Variants in ANKRD30BL observed in about 807,000 individuals in gnomAD.
ANKRD30BL encodes ankyrin repeat domain 30B like.
ANKRD30BL carries 20 observed loss-of-function variants against 18.4 expected under a neutral mutation model. The ratio of observed to expected loss-of-function variants is 1.09; its 90% CI spans 0.77 to 1.58. The LOEUF (loss-of-function observed/expected upper bound fraction) is 1.58, where lower values mean the gene tolerates loss of function less well. ANKRD30BL is among the 40% of genes most tolerant of loss of function. The pLI, the probability that ANKRD30BL is intolerant of heterozygous loss-of-function variation, is 0.00. For synonymous variants in ANKRD30BL, 72 were observed against 100.9 expected (o/e 0.71, Z 1.72); for missense variants, 224 against 268.6 (o/e 0.83, Z 1.16).
At chr2:132,229,400 C>A (rs1679941221) in intron 1 of ANKRD30BL, among the ~76,000 whole-genome samples, 1 of 152,112 alleles carries the variant, frequency 6.6e-6, no homozygotes, top group Non-Finnish European at 1.5e-5. Context: ...GTAGAATCTG[C>A]AAGTGGACAT....
upstream of ANKRD30BL, among the ~76,000 whole-genome samples, chr2:132,165,963 GTTCT>G (rs1688181253): frequency 6.6e-6 from 1 of 151,970 alleles, no homozygotes; most frequent in African/African-American, 2.4e-5. Flanking sequence ...TTTTGTAGAT[GTTCT>G]TTGTCAAGTT....
At chr2:132,148,352 C>CTTTTTTTTTTTTTTTTTTTT (rs869150935) in intron 5 of ANKRD30BL, 124 bp from the exon 6 acceptor site, 1 of 151,134 alleles carries the variant, frequency 6.6e-6, no homozygotes. Flanking sequence ...TTGTTTTCTC[C>CTTTTTTTTTTTTTTTTTTTT]TTTTTTTTTT....
At chr2:132,217,510 A>G (rs73607381) in intron 1 of ANKRD30BL, among the ~76,000 whole-genome samples, 1 of 151,640 alleles carries the variant, frequency 6.6e-6, no homozygotes, top group Admixed American at 6.6e-5. Flanking sequence ...AGTTGAAGAT[A>G]CTTTATCATA....
rs201120723 is a variant in ANKRD30BL, at chr2:132,219,960, G to T, written n.441+37569C>A. ...TTGCAGAATCTGCAAGTGGACATTT[G>T]GAGCGCCTTGAGGCCTATGGTGGAA... is the stretch of plus-strand genomic sequence containing the variant. On this transcript the variant is annotated intron_variant and non_coding_transcript_variant, in intron 1 of 4. Coordinates refer to the ANKRD30BL transcript ENST00000470729. Among the ~76,000 whole-genome samples the T allele has an allele frequency of 2.0e-5, 3 of 151,844 alleles. No homozygotes were observed. The East Asian group carries it at 5.9e-4, about 30-fold the overall frequency.
intron 4 of ANKRD30BL, among the ~76,000 whole-genome samples, chr2:132,154,412 T>C (rs553324572): frequency 6.6e-6 from 1 of 152,224 alleles, no homozygotes; most frequent in African/African-American, 2.4e-5. Flanking sequence ...TAGAAGATAA[T>C]GCAACCAAAA....
chr2:132,188,043 G>A (rs937463100), intron 1 of ANKRD30BL, among the ~76,000 whole-genome samples: 8 of 152,086 alleles, frequency 5.3e-5, no homozygotes, highest in African/African-American at 7.2e-5. Flanking sequence ...CACTGTGCCC[G>A]GCCAGATTCA....
chr2:132,178,837 A>G (rs1688407943), intron 1 of ANKRD30BL, among the ~76,000 whole-genome samples: 1 of 152,222 alleles, frequency 6.6e-6, no homozygotes, highest in Non-Finnish European at 1.5e-5. Flanking sequence ...TAAACATGAT[A>G]GGGGAAAATT....
At chr2:132,200,885 C>A (rs1436701029) in intron 1 of ANKRD30BL, among the ~76,000 whole-genome samples, 1 of 152,204 alleles carries the variant, frequency 6.6e-6, no homozygotes, top group Non-Finnish European at 1.5e-5. Context: ...CACTACCTGA[C>A]TTCAAACTAT....
chr2:132,221,645 G>T (rs1679688831), intron 1 of ANKRD30BL, among the ~76,000 whole-genome samples: 1 of 122,834 alleles, frequency 8.1e-6, no homozygotes. Context: ...AGGGAGGTGG[G>T]GGGTTCAGCC....
rs9752400 is a variant in ANKRD30BL at position 132,161,692 on chromosome 2, G to C, written c.14C>G (p.Ser5Cys). The C allele has an allele frequency of 2.1e-6, 3 of 1,443,698 alleles. No individual in the cohort carries two copies. Among genetic ancestry groups the C allele is most frequent in the Non-Finnish European group, 2.9e-6 (3 of 1,051,584 alleles). 89.4% of individuals were successfully genotyped at this position (1,443,698 alleles called of 1,614,324 possible). A position where few individuals can be genotyped will look rare whatever the true frequency, so the allele number is the denominator to read the frequency against. MERL[S>C]AAPVKGQTGP... is the part of the protein sequence containing the mutation. ...CGTCTGGCCCTTGACAGGGGCGGCAGAGAGCCTCTCCATGGCTGCAGCCAC... is the reference window on the plus strand; with the variant it reads ...CGTCTGGCCCTTGACAGGGGCGGCACAGAGCCTCTCCATGGCTGCAGCCAC... The change falls in exon 1 of 6, where the codon TCT (serine) becomes TGT (cysteine). Residue 5 changes from serine to cysteine, a missense_variant. Coordinates refer to ENST00000409867, the MANE Select transcript of ANKRD30BL (RefSeq NM_001358416.1).
Position 132,201,544 on chromosome 2 carries a change from C to T in ANKRD30BL, n.442-44398G>A, listed in dbSNP as rs577342265. Among the ~76,000 whole-genome samples the T allele has an allele frequency of 1.5e-3, 228 of 152,266 alleles. 4 individuals carry two copies. The highest frequency in any genetic ancestry group is 3.7e-4 in the Non-Finnish European group (25 of 68,026). On this transcript the variant is annotated intron_variant and non_coding_transcript_variant, in intron 1 of 4. Transcript: ENST00000470729. ...CAGGCAAAAAACACATGAAAAAATGCTCATCATCACTGGCCATCAGAGAAA... is the reference window on the plus strand; with the variant it reads ...CAGGCAAAAAACACATGAAAAAATGTTCATCATCACTGGCCATCAGAGAAA...
intron 1 of ANKRD30BL, among the ~76,000 whole-genome samples, chr2:132,255,776 C>G (rs1285262654): frequency 6.6e-6 from 1 of 152,184 alleles, no homozygotes; most frequent in Non-Finnish European, 1.5e-5. Flanking sequence ...GAATTGAACC[C>G]TGATTCCCTG....
At chr2:132,204,102 G>A (rs1679163032) in intron 1 of ANKRD30BL, among the ~76,000 whole-genome samples, 1 of 152,182 alleles carries the variant, frequency 6.6e-6, no homozygotes, top group Admixed American at 6.5e-5. Flanking sequence ...CTCAGCCTTT[G>A]TATCAATATT....
At chr2:132,165,114 C>T (rs1374737378), upstream of ANKRD30BL, among the ~76,000 whole-genome samples, 2 of 152,090 alleles carry the variant, frequency 1.3e-5, no homozygotes, top group Non-Finnish European at 2.9e-5. Flanking sequence ...TGCATACTAT[C>T]GTGATTCCAC....
chr2:132,252,212 T>C (rs923382213), intron 1 of ANKRD30BL, among the ~76,000 whole-genome samples: 1 of 152,250 alleles, frequency 6.6e-6, no homozygotes, highest in South Asian at 2.1e-4. Flanking sequence ...ACGATGCTAC[T>C]GGGAGGCCAC....
chr2:132,222,343 G>A (rs571466775), intron 1 of ANKRD30BL, among the ~76,000 whole-genome samples: 301 of 152,280 alleles, frequency 2.0e-3, no homozygotes, highest in South Asian at 4.3e-3. Context: ...TGTGCCCAGC[G>A]GCTCACTGGG....
chr2:132,221,149 G>A (rs1362851093), intron 1 of ANKRD30BL, among the ~76,000 whole-genome samples: 1 of 146,828 alleles, frequency 6.8e-6, no homozygotes, highest in African/African-American at 2.7e-5. Context: ...TGGGAAGTGA[G>A]GAGCATCTCC....
chr2:132,245,015 T>C (rs139256980), intron 1 of ANKRD30BL, among the ~76,000 whole-genome samples: 1 of 152,298 alleles, frequency 6.6e-6, no homozygotes, highest in African/African-American at 2.4e-5. Flanking sequence ...TTTCTTTTGA[T>C]ACAGCAGTTT....
intron 1 of ANKRD30BL, among the ~76,000 whole-genome samples, chr2:132,161,025 A>T (rs1356888142): frequency 4.1e-5 from 6 of 145,894 alleles, no homozygotes; most frequent in Admixed American, 1.4e-4. Flanking sequence ...TTGATATTGA[A>T]ATGGATACTG....
Sources: allele counts gnomAD v4.1 joint callset (sites outside exome capture counted in the v4.1 genomes callset), GRCh38; gene constraint gnomAD v4.1.1; transcripts MANE v1.5; gene names NCBI Gene and HGNC (gene_info 2026-07-23, HGNC 2026-07-21).